DNAH5: variants seen among roughly 807,000 people sequenced by gnomAD.
DNAH5 encodes the protein axonemal beta dynein heavy chain 5.
A neutral mutation model predicts 518.2 loss-of-function variants in DNAH5; 372 were observed. The ratio of observed to expected loss-of-function variants is 0.72; its 90% CI spans 0.66 to 0.78. The LOEUF is 0.78. Among genes scored for constraint, DNAH5 ranks in the 30% least tolerant of loss-of-function variants. The pLI, the probability that DNAH5 is intolerant of heterozygous loss-of-function variation, is 0.00. For missense variants in DNAH5, 5,523 were observed against 5,687.0 expected (o/e 0.97, Z 0.93); for synonymous variants, 2,039 against 2,025.9 (o/e 1.01, Z -0.17).
At chr5:14,011,611 G>A (rs547374260) in intron 1 of DNAH5, among the ~76,000 whole-genome samples, 1 of 152,214 alleles carries the variant, frequency 6.6e-6, no homozygotes, top group East Asian at 1.9e-4. Context: ...GGCCCTGGCT[G>A]GGCGTGGGAG....
In DNAH5 at chr5:13,871,002, G is replaced by A. The variant is rs1376190252; in HGVS notation, c.3599C>T (p.Ala1200Val). Residue 1200 changes from alanine to valine, a missense_variant and splice_region_variant, in exon 24 of 79, where the codon GCT becomes GTT. By Grantham distance (64) the Ala-to-Val change is moderately conservative. Coordinates refer to ENST00000265104, the MANE Select transcript of DNAH5 (RefSeq NM_001369.3). ...VCVGSIALYTADLKFALTAET... is the reference protein window; with the variant it reads ...VCVGSIALYTVDLKFALTAET... ...AGCAGTCAGGGCGAACTTCAAGTCA[G>A]CTGTAAAAACCCAAATGTCTACAGT... 3.7e-6 allele frequency: 6 copies of A among 1,612,200 alleles called. No individual in the cohort carries two copies. The highest frequency in any genetic ancestry group is 5.1e-6 in the Non-Finnish European group (6 of 1,179,054).
rs947419304 is a variant in DNAH5 at position 13,903,028 on chromosome 5, C to G, written c.1645-890G>C. 2.0e-5 allele frequency among the ~76,000 whole-genome samples: 3 copies of G among 151,888 alleles called. No individual in the cohort carries two copies. In the East Asian group the frequency reaches 5.8e-4, roughly 29 times the overall value. On this transcript the variant is annotated intron_variant, in intron 12 of 78. Transcript: ENST00000265104. ...CAGAATGCACAAACAGAATTAGTAA[C>G]CAAGTACTAAAAATGATAGAGCAGT...
At chr5:13,802,707 A>G (rs1451946480) in intron 47 of DNAH5, among the ~76,000 whole-genome samples, 2 of 152,190 alleles carry the variant, frequency 1.3e-5, no homozygotes, top group East Asian at 1.9e-4. Context: ...TAGGTACAAC[A>G]TTCACGCAAT....
chr5:13,914,981 T>C (rs1324874604), intron 9 of DNAH5, among the ~76,000 whole-genome samples: 1 of 152,068 alleles, frequency 6.6e-6, no homozygotes, highest in South Asian at 2.1e-4. Flanking sequence ...TGCTCTAATA[T>C]CTAACTCACA....
chr5:13,862,554 C>T lies in DNAH5; in HGVS notation c.4790G>A (p.Ser1597Asn), dbSNP rs1209762688. ...DSLMLLGSLL[S>N]NRYNMPFKAQ... ...AGATAGATGGTTTTCCCACCTGTTG[C>T]TCAGTAGGGATCCCAGCAACATCAA... The change falls in exon 29 of 79, where the codon AGC (serine) becomes AAC (asparagine). Residue 1597 changes from serine (S) to asparagine (N), a missense_variant. Ser to Asn is a conservative substitution (Grantham distance 46). Coordinates refer to ENST00000265104, the MANE Select transcript of DNAH5 (RefSeq NM_001369.3). 1.2e-6 allele frequency: 2 copies of T among 1,613,850 alleles called. No homozygotes were observed. Among genetic ancestry groups the T allele is most frequent in the Admixed American group, 1.7e-5 (1 of 60,004 alleles).
chr5:13,747,947 C>A (rs950114466), intron 65 of DNAH5, among the ~76,000 whole-genome samples: 4 of 152,106 alleles, frequency 2.6e-5, no homozygotes, highest in Non-Finnish European at 5.9e-5. Flanking sequence ...TCATGAAGTC[C>A]TTGCCCATGC....
intron 9 of DNAH5, 137 bp from the exon 10 acceptor site, chr5:13,914,779 C>A: frequency 1.2e-6 from 1 of 855,984 alleles, no homozygotes; most frequent in Non-Finnish European, 1.8e-6. Context: ...TTTTTTCCAT[C>A]ACAGTTATAA....
At chr5:13,824,921 T>C (rs1042289829) in intron 38 of DNAH5, among the ~76,000 whole-genome samples, 55 of 152,204 alleles carry the variant, frequency 3.6e-4, no homozygotes, top group African/African-American at 1.3e-3. Flanking sequence ...AATTTCAGCA[T>C]ATATAAAGTG....
chr5:13,976,307 G>A (rs754402700), intron 1 of DNAH5, among the ~76,000 whole-genome samples: 2 of 152,106 alleles, frequency 1.3e-5, no homozygotes, highest in Non-Finnish European at 2.9e-5. Flanking sequence ...ATATTAAATG[G>A]AAAATTCCAG....
In DNAH5 at chr5:13,985,719, AC is replaced by A. The variant is rs557693861; in HGVS notation, c.12+25928del. ...GCCCCAACAGAGAACTCACCAGAAG[AC>A]CCTTGAGTCGGGAATTCCTTCCTGT... On this transcript the variant is annotated intron_variant, in intron 1 of 78. Coordinates refer to the DNAH5 transcript ENST00000681290. 3.5e-3 allele frequency among the ~76,000 whole-genome samples: 539 copies of A among 152,220 alleles called. 5 individuals carry two copies. Among genetic ancestry groups the A allele is most frequent in the African/African-American group, 0.012 (516 of 41,532 alleles).
intron 38 of DNAH5, among the ~76,000 whole-genome samples, chr5:13,825,527 A>G (rs1762782773): frequency 6.6e-6 from 1 of 152,364 alleles, no homozygotes. Context: ...TTATTTAGCC[A>G]TAAAAAGAAA....
intron 35 of DNAH5, among the ~76,000 whole-genome samples, chr5:13,836,986 C>T (rs1320368672): frequency 1.3e-5 from 2 of 152,224 alleles, no homozygotes; most frequent in Non-Finnish European, 2.9e-5. Flanking sequence ...GAGGCTGGAA[C>T]AGCCCTGAGC....
At chr5:13,978,008 T>A (rs919981830) in intron 1 of DNAH5, among the ~76,000 whole-genome samples, 2 of 152,148 alleles carry the variant, frequency 1.3e-5, no homozygotes, top group African/African-American at 4.8e-5. Flanking sequence ...ATAAGCTCCA[T>A]GGGGGACTCT....
intron 1 of DNAH5, among the ~76,000 whole-genome samples, chr5:13,988,289 C>T (rs1482062560): frequency 2.0e-5 from 3 of 152,156 alleles, no homozygotes; most frequent in African/African-American, 7.2e-5. Context: ...TCCCTTTGGT[C>T]TCCCATTCTG....
Position 13,721,107 on chromosome 5 carries a change from A to C in DNAH5, c.12172T>G (p.Ser4058Ala). ...AATCTCTTCCCCAAGGCAATGATGG[A>C]ATCTGTGGGGTCTGAGCCCATAGAC... ...LLSMGSDPTD[S>A]IIALGKRLKI... The change falls in exon 71 of 79, where the codon TCC becomes GCC. Residue 4058 changes from serine to alanine, a missense_variant. Around this residue, in one of 3 missense-constraint regions of DNAH5, gnomAD observed 5,121 missense variants for 5,223.3 expected, o/e 0.98. Coordinates refer to ENST00000265104, the MANE Select transcript of DNAH5 (RefSeq NM_001369.3). The C allele has an allele frequency of 6.2e-7, 1 of 1,614,108 alleles. No individual in the cohort carries two copies. The highest frequency in any genetic ancestry group is 2.2e-5 in the East Asian group (1 of 44,870).
intron 50 of DNAH5, 26 bp downstream of exon 50, chr5:13,791,964 ATTTG>A (rs1757067062): frequency 1.3e-6 from 2 of 1,532,750 alleles, no homozygotes; most frequent in Non-Finnish European, 1.8e-6. Flanking sequence ...TAGCAATGTT[ATTTG>A]TTTTTCTTTC....
intron 61 of DNAH5, among the ~76,000 whole-genome samples, chr5:13,754,775 T>C (rs1400946645): frequency 2.6e-5 from 4 of 151,376 alleles, no homozygotes; most frequent in Non-Finnish European, 4.4e-5. Flanking sequence ...CAACCTCAGG[T>C]GATCCGCCAA....
intron 19 of DNAH5, among the ~76,000 whole-genome samples, chr5:13,883,894 A>C: frequency 6.6e-6 from 1 of 152,310 alleles, no homozygotes; most frequent in Admixed American, 6.5e-5. Flanking sequence ...ACTTTTATTT[A>C]CCCACTTTTA....
intron 35 of DNAH5, among the ~76,000 whole-genome samples, chr5:13,838,738 CA>C (rs1212187420): frequency 6.6e-6 from 1 of 152,154 alleles, no homozygotes; most frequent in Non-Finnish European, 1.5e-5. Context: ...CCGAAACCAT[CA>C]CCCACCCCCT....
Sources: allele counts gnomAD v4.1 joint callset (sites outside exome capture counted in the v4.1 genomes callset), GRCh38; gene constraint gnomAD v4.1.1; regional missense constraint gnomAD v4.1.1; transcripts MANE v1.5; gene names NCBI Gene and HGNC (gene_info 2026-07-23, HGNC 2026-07-21).